DPP6: variants seen among roughly 807,000 people sequenced by gnomAD.
DPP6 encodes dipeptidyl peptidase like 6, also known as A-type potassium channel modulatory protein DPP6.
DPP6 carries 69 observed loss-of-function variants against 122.6 expected under a neutral mutation model. The ratio of observed to expected loss-of-function variants is 0.56; its 90% confidence interval spans 0.46 to 0.69. DPP6 has a LOEUF of 0.69. DPP6 is among the 30% of genes least tolerant of loss of function. The pLI, the probability that DPP6 is intolerant of heterozygous loss-of-function variation, is 0.00. For synonymous variants in DPP6, 418 were observed against 433.1 expected (o/e 0.97, Z 0.43); for missense variants, 928 against 1,116.9 (o/e 0.83, Z 2.41).
intron 6 of DPP6, among the ~76,000 whole-genome samples, chr7:154,646,018 ACTCCGTCTC>A: frequency 1.1e-5 from 1 of 92,158 alleles, no homozygotes; most frequent in African/African-American, 4.4e-5. Flanking sequence ...GCAGAGTGAG[ACTCCGTCTC>A]AAAAAAAAAA....
intron 1 of DPP6, among the ~76,000 whole-genome samples, chr7:154,400,361 A>T (rs563712528): frequency 3.0e-4 from 45 of 152,284 alleles, no homozygotes; most frequent in African/African-American, 1.0e-3. Flanking sequence ...AGCACAGGTG[A>T]GGCAGTGACT....
chr7:154,606,869 C>T (rs1409475257), intron 5 of DPP6, among the ~76,000 whole-genome samples: 1 of 121,436 alleles, frequency 8.2e-6, no homozygotes, highest in East Asian at 3.5e-4. Context: ...CTTTTATACA[C>T]ACACATACTT....
intron 1 of DPP6, among the ~76,000 whole-genome samples, chr7:154,396,409 T>C (rs1815090417): frequency 6.6e-6 from 1 of 152,102 alleles, no homozygotes; most frequent in Non-Finnish European, 1.5e-5. Flanking sequence ...ATTCTAATAC[T>C]GTGGAGTGGA....
At chr7:154,420,663 T>C (rs1196538531) in intron 1 of DPP6, among the ~76,000 whole-genome samples, 2 of 152,162 alleles carry the variant, frequency 1.3e-5, no homozygotes, top group African/African-American at 4.8e-5. Context: ...TAGTTAATAA[T>C]AATGTGTATT....
At chr7:153,817,953 C>A in the DPP6 span, among the ~76,000 whole-genome samples, 1 of 151,380 alleles carries the variant, frequency 6.6e-6, no homozygotes. Context: ...CAAAAGAAAT[C>A]TTTTCAAGTG....
chr7:154,230,954 G>T (rs1800885410), intron 1 of DPP6, among the ~76,000 whole-genome samples: 1 of 152,180 alleles, frequency 6.6e-6, no homozygotes, highest in Admixed American at 6.5e-5. Flanking sequence ...GTAAAGAAAA[G>T]TATTTCATGT....
At chr7:153,784,193 A>G in the DPP6 span, among the ~76,000 whole-genome samples, 1 of 152,236 alleles carries the variant, frequency 6.6e-6, no homozygotes, top group Non-Finnish European at 1.5e-5. Context: ...AACATAATAA[A>G]TGTGCAAGCA....
intron 1 of DPP6, among the ~76,000 whole-genome samples, chr7:154,350,880 T>A (rs185316235): frequency 6.6e-6 from 1 of 152,258 alleles, no homozygotes; most frequent in Admixed American, 6.5e-5. Flanking sequence ...GAGCTGGAGA[T>A]CACTGACTGG....
chr7:154,808,197 T>C (rs1233406643), intron 16 of DPP6, among the ~76,000 whole-genome samples: 1 of 152,212 alleles, frequency 6.6e-6, no homozygotes, highest in African/African-American at 2.4e-5. Flanking sequence ...ATGAATAACT[T>C]TTATCAGAGC....
intron 1 of DPP6, among the ~76,000 whole-genome samples, chr7:154,120,901 C>A (rs935317953): frequency 6.6e-6 from 1 of 152,152 alleles, no homozygotes; most frequent in Non-Finnish European, 1.5e-5. Flanking sequence ...GCTGTTTCCC[C>A]ACCCAGATCT....
chr7:154,508,646 T>G (rs907577956), intron 3 of DPP6, among the ~76,000 whole-genome samples: 2 of 152,190 alleles, frequency 1.3e-5, no homozygotes, highest in African/African-American at 4.8e-5. Context: ...TGCATGTCAC[T>G]TCTGCCTCCA....
chr7:154,174,677 C>T (rs1420061822), intron 1 of DPP6, among the ~76,000 whole-genome samples: 1 of 152,094 alleles, frequency 6.6e-6, no homozygotes, highest in Non-Finnish European at 1.5e-5. Context: ...GCAGACAAAT[C>T]GATATCTCCA....
chr7:154,700,939 T>G (rs2131263952), intron 7 of DPP6, among the ~76,000 whole-genome samples: 1 of 152,096 alleles, frequency 6.6e-6, no homozygotes, highest in African/African-American at 2.4e-5. Flanking sequence ...CAGACCACAG[T>G]CCAGCCCTTG....
At chr7:154,533,747 C>G (rs1366691113) in intron 3 of DPP6, among the ~76,000 whole-genome samples, 1 of 152,216 alleles carries the variant, frequency 6.6e-6, no homozygotes, top group South Asian at 2.1e-4. Context: ...CCTCTAATTC[C>G]AGCACTTTGA....
rs544280619 is a variant in DPP6 at position 154,026,787 on chromosome 7, AT to A, written c.51+139055del. Reference sequence around the variant, plus strand: ...AAACTGCTATAAAATAACAAAGCTTATTATAAACTTTGCCTCCAAAAGTGGT... The same window carrying A: ...AAACTGCTATAAAATAACAAAGCTTATATAAACTTTGCCTCCAAAAGTGGT... On this transcript the variant is annotated intron_variant, in intron 1 of 25. Coordinates refer to the DPP6 transcript ENST00000404039. 1.2e-4 allele frequency: 18 copies of A among 152,294 alleles called. No individual in the cohort carries two copies. In the East Asian group the frequency reaches 3.5e-3, roughly 29 times the overall value. The allele number at this position is 152,294 out of a possible 1,614,324, so 9.4% of individuals were successfully genotyped here. A position where few individuals can be genotyped will look rare whatever the true frequency, so the allele number is the denominator to read the frequency against.
chr7:154,125,100 G>A (rs1181461434), intron 1 of DPP6, among the ~76,000 whole-genome samples: 1 of 152,194 alleles, frequency 6.6e-6, no homozygotes, highest in East Asian at 1.9e-4. Flanking sequence ...GAGGTCTTTG[G>A]AGACATCACT....
At chr7:153,973,511 T>G (rs1190000152) in intron 1 of DPP6, among the ~76,000 whole-genome samples, 1 of 152,148 alleles carries the variant, frequency 6.6e-6, no homozygotes, top group Non-Finnish European at 1.5e-5. Flanking sequence ...TTTTTCCTAT[T>G]ATGGTAAGCT....
intron 1 of DPP6, among the ~76,000 whole-genome samples, chr7:154,288,147 A>G (rs958046052): frequency 1.8e-4 from 27 of 152,168 alleles, no homozygotes; most frequent in African/African-American, 6.3e-4. Flanking sequence ...TGGTTTTCTT[A>G]CTAGTTACTG....
intron 1 of DPP6, among the ~76,000 whole-genome samples, chr7:154,191,024 C>T (rs1289515846): frequency 2.0e-5 from 3 of 151,680 alleles, no homozygotes; most frequent in Admixed American, 6.6e-5. Context: ...GCTTAATAGC[C>T]AATAATAAAA....
Sources: gnomAD v4.1 joint callset for allele counts (sites outside exome capture counted in the v4.1 genomes callset) on GRCh38, gnomAD v4.1.1 for gene constraint, MANE v1.5 for transcripts, NCBI Gene and HGNC (gene_info 2026-07-23, HGNC 2026-07-21) for gene names.